DLST: variants seen among roughly 807,000 people sequenced by gnomAD.
DLST encodes the protein dihydrolipoyllysine-residue succinyltransferase component of 2-oxoglutarate dehydrogenase complex, mitochondrial.
A neutral mutation model predicts 53.1 loss-of-function variants in DLST; 17 were observed. That is an observed-to-expected ratio of 0.32 (90% CI 0.22 to 0.48). The LOEUF is 0.48. Among genes scored for constraint, DLST ranks in the 20% least tolerant of loss-of-function variants. DLST has a pLI of 0.99. For synonymous variants in DLST, 206 were observed against 204.8 expected, an observed-to-expected ratio of 1.01 and a Z score of -0.05; for missense variants, 512 against 583.9, an observed-to-expected ratio of 0.88 and a Z score of 1.27.
chr14:74,898,018 A>AT (rs1566794754), intron 10 of DLST, among the ~76,000 whole-genome samples: 3 of 151,658 alleles, frequency 2.0e-5, no homozygotes, highest in African/African-American at 7.3e-5. Context: ...ACTTTAAAAA[A>AT]TTTTTTTTCA....
At position 74,889,971 on chromosome 14, in the gene DLST, C is replaced by T. The variant is rs111855284; in HGVS notation, c.330+19C>T. On this transcript the variant is annotated intron_variant, in intron 6 of 14. Coordinates refer to ENST00000334220, the MANE Select transcript of DLST (RefSeq NM_001933.5). ...TGACAAGGTAGGCTTATCTTATATT[C>T]GTACCAGCTTTTCATGGGCTTCCCT... The T allele has an allele frequency of 0.01, 16,842 of 1,610,318 alleles. 202 individuals carry two copies. Among genetic ancestry groups the T allele is most frequent in the South Asian group, 0.039 (3,498 of 90,518 alleles).
At chr14:74,897,152 C>T (rs1235854827) in intron 10 of DLST, among the ~76,000 whole-genome samples, 1 of 152,188 alleles carries the variant, frequency 6.6e-6, no homozygotes, top group African/African-American at 2.4e-5. Flanking sequence ...TCTTGGGAAC[C>T]AGTAATGTCT....
chr14:74,892,905 G>T lies in DLST; in HGVS notation c.514G>T (p.Ala172Ser). 1 of 1,614,126 alleles carries T rather than the reference G, an allele frequency of 6.2e-7. No homozygotes were observed. Reference sequence around the variant, plus strand: ...CCCAAAAGCAGAACCTACAGCAGCGGCAGTTCCTCCCCCTGCAGCACCCAT... The same window carrying T: ...CCCAAAAGCAGAACCTACAGCAGCGTCAGTTCCTCCCCCTGCAGCACCCAT... ...AAPKAEPTAA[A>S]VPPPAAPIPT... Residue 172 changes from alanine (A) to serine (S), a missense_variant, in exon 8 of 15, where the codon GCA (alanine) becomes TCA (serine). Transcript: ENST00000334220.
chr14:74,902,344 A>C lies in DLST; in HGVS notation c.*14A>C. The C allele has an allele frequency of 6.2e-7, 1 of 1,604,226 alleles. No homozygotes were observed. The highest frequency in any genetic ancestry group is 8.5e-7 in the Non-Finnish European group (1 of 1,174,126). Reference sequence around the variant, plus strand: ...CTGGATCTTTAGGAGGAACCCACACACCCTACAAGTTGATCATGCAGGAAC... The same window carrying C: ...CTGGATCTTTAGGAGGAACCCACACCCCCTACAAGTTGATCATGCAGGAAC... On this transcript the variant is annotated 3_prime_UTR_variant, in exon 15 of 15. Coordinates refer to ENST00000334220, the MANE Select transcript of DLST (RefSeq NM_001933.5).
At position 74,899,959 on chromosome 14, in the gene DLST, A is replaced by T; in HGVS notation, c.938A>T (p.Asp313Val). ...DDTTKEVVYR[D>V]YIDISVAVAT... ...ACAACCAAAGAGGTGGTGTATAGGG[A>T]TTATATTGACATCAGTGTTGCAGTG... Residue 313 changes from aspartate (D) to valine (V), a missense_variant, in exon 12 of 15, where the codon GAT (aspartate) becomes GTT (valine). By Grantham distance (152) the Asp-to-Val change is radical. Around this residue, in one of 4 missense-constraint regions of DLST, gnomAD observed 186 missense variants for 260.4 expected, o/e 0.71. Transcript: ENST00000334220. 1 of 1,613,600 alleles carries T rather than the reference A, an allele frequency of 6.2e-7. No homozygotes were observed. Among genetic ancestry groups the T allele is most frequent in the South Asian group, 1.1e-5 (1 of 91,040 alleles).
At position 74,893,518 on chromosome 14, in the gene DLST, G is replaced by C; in HGVS notation, c.672+94G>C. On this transcript the variant is annotated intron_variant, in intron 9 of 14. Coordinates refer to ENST00000334220, the MANE Select transcript of DLST (RefSeq NM_001933.5). ...TGGTGATGCCTACCTTTGAATGCCTGGCAGCTCATTCCCTCAACCTTGATA... is the reference window on the plus strand; with the variant it reads ...TGGTGATGCCTACCTTTGAATGCCTCGCAGCTCATTCCCTCAACCTTGATA... 3 of 1,350,646 alleles carry C rather than the reference G, an allele frequency of 2.2e-6. No homozygotes were observed. The South Asian group carries it at 3.5e-5, about 16-fold the overall frequency. 83.7% of individuals were successfully genotyped at this position (1,350,646 alleles called of 1,614,324 possible). A position where few individuals can be genotyped will look rare whatever the true frequency, so the allele number is the denominator to read the frequency against.
chr14:74,890,152 C>G (rs200343480), intron 6 of DLST, among the ~76,000 whole-genome samples, 200 bp downstream of exon 6: 18 of 128,174 alleles, frequency 1.4e-4, no homozygotes, highest in South Asian at 5.2e-4. Context: ...TTTTTTGAGA[C>G]AGACTTGCTC....
At chr14:74,895,648 G>A (rs536164584) in intron 10 of DLST, among the ~76,000 whole-genome samples, 9 of 152,048 alleles carry the variant, frequency 5.9e-5, no homozygotes, top group Admixed American at 4.6e-4. Context: ...GCTTGTAATC[G>A]CAACACTTTG....
At chr14:74,888,924 G>A (rs1883800464) in intron 3 of DLST, 171 bp from the exon 4 acceptor site, 2 of 652,686 alleles carry the variant, frequency 3.1e-6, no homozygotes, top group Non-Finnish European at 2.7e-6. Flanking sequence ...GAATCCCTGG[G>A]GGAGAGGCCT....
chr14:74,893,299 G>A (rs773297666), intron 8 of DLST, 49 bp from the exon 9 acceptor site: 2 of 1,604,548 alleles, frequency 1.2e-6, no homozygotes, highest in Non-Finnish European at 1.7e-6. Context: ...AAACTCAGCA[G>A]ATGTTTCTTT....
rs1345635988 is a variant in DLST at position 74,884,957 on chromosome 14, GTC to G, written c.98-624_98-623del. Reference sequence around the variant, plus strand: ...TAAGGACAGCTGGTGGGCAGAAAGGGTCTCTCACCTTGTTGAGAGTGACCAGG... The same window carrying G: ...TAAGGACAGCTGGTGGGCAGAAAGGGTCTCACCTTGTTGAGAGTGACCAGG... On this transcript the variant is annotated intron_variant, in intron 2 of 14. Transcript: ENST00000334220. Among the ~76,000 whole-genome samples, 5 of 152,332 alleles carry G rather than the reference GTC, an allele frequency of 3.3e-5. No individual in the cohort carries two copies. The East Asian group carries it at 7.7e-4, about 23-fold the overall frequency.
chr14:74,885,847 CCCACTCT>C, intron 3 of DLST: 1 of 524,124 alleles, frequency 1.9e-6, no homozygotes, highest in Non-Finnish European at 3.3e-6. Flanking sequence ...TGGGAGTGTG[CCCACTCT>C]CCACAGGTGT....
Position 74,894,323 on chromosome 14 carries a change from C to G in DLST, c.684C>G (p.Asn228Lys), listed in dbSNP as rs774119387. 1 of 1,613,870 alleles carries G rather than the reference C, an allele frequency of 6.2e-7. No individual in the cohort carries two copies. The highest frequency in any genetic ancestry group is 8.5e-7 in the Non-Finnish European group (1 of 1,179,910). ...GLRSEHREKM[N>K]RMRQRIAQRL... is the part of the protein sequence containing the mutation. ...ACTCTTACTTTCAGGAGAAAATGAA[C>G]AGGATGCGGCAGCGCATTGCTCAGC... Residue 228 changes from asparagine (N) to lysine (K), a missense_variant, in exon 10 of 15, where the codon AAC (asparagine) becomes AAG (lysine). By Grantham distance (94) the Asn-to-Lys change is moderately conservative. Around this residue, in one of 4 missense-constraint regions of DLST, gnomAD observed 162 missense variants for 162.0 expected, o/e 1.00. Transcript: ENST00000334220.
At chr14:74,902,060 CTGTAAATATGCAGAGGCAACAT>C (rs1170409341) in intron 14 of DLST, 114 bp from the exon 15 acceptor site, 1 of 953,634 alleles carries the variant, frequency 1.0e-6, no homozygotes, top group Non-Finnish European at 1.4e-6. Context: ...CTTTGAAATA[CTGTAAATATGCAGAGGCAACAT>C]CAATAGGAAA....
chr14:74,889,715 A>G (rs143741689), intron 5 of DLST, 182 bp from the exon 6 acceptor site: 8 of 607,644 alleles, frequency 1.3e-5, no homozygotes, highest in Middle Eastern at 4.3e-4. Context: ...AGTGCTATCT[A>G]AAATTCTCCC....
In DLST at chr14:74,894,535, TTTTG is replaced by T. The variant is rs367745525; in HGVS notation, c.770+138_770+141del. On this transcript the variant is annotated intron_variant, in intron 10 of 14. Transcript: ENST00000334220. ...AGGGAAGAGGTATTTGTTTATTGTT[TTTTG>T]TTTGTTTGTTTTTGTTTTTGTTTTT... 1.1e-4 allele frequency: 118 copies of T among 1,081,330 alleles called. 1 individual carries two copies. The South Asian group carries it at 1.1e-3, about 10-fold the overall frequency. The allele number at this position is 1,081,330 out of a possible 1,614,324, so 67.0% of individuals were successfully genotyped here.
intron 14 of DLST, among the ~76,000 whole-genome samples, chr14:74,901,667 G>T (rs1460540907): frequency 1.3e-5 from 2 of 152,156 alleles, no homozygotes; most frequent in Non-Finnish European, 2.9e-5. Flanking sequence ...ATTAAAAGGG[G>T]CTTGAGCTGG....
intron 6 of DLST, 147 bp from the exon 7 acceptor site, chr14:74,890,909 C>G: frequency 9.1e-7 from 1 of 1,103,980 alleles, no homozygotes; most frequent in Non-Finnish European, 1.2e-6. Context: ...AACTCCTGAC[C>G]TCAAGTGATC....
chr14:74,901,258 C>T, intron 14 of DLST, 25 bp downstream of exon 14: 1 of 1,597,108 alleles, frequency 6.3e-7, no homozygotes, highest in South Asian at 1.1e-5. Flanking sequence ...TTCTAAGGTC[C>T]TAGTGGCTAG....
Sources: allele counts gnomAD v4.1 joint callset (sites outside exome capture counted in the v4.1 genomes callset), GRCh38; gene constraint gnomAD v4.1.1; regional missense constraint gnomAD v4.1.1; transcripts MANE v1.5; gene names NCBI Gene and HGNC (gene_info 2026-07-23, HGNC 2026-07-21).